Variants in OTOGL observed in about 807,000 individuals in gnomAD.
OTOGL encodes otogelin like.
In OTOGL, 285 loss-of-function variants were observed where a neutral mutation model predicts 318.5. The ratio of observed to expected loss-of-function variants is 0.89; its 90% CI spans 0.81 to 0.99. The LOEUF is 0.99. OTOGL is among the 50% of genes least tolerant of loss of function. The pLI is 0.00. For missense variants in OTOGL, 2,899 were observed against 2,845.6 expected (o/e 1.02, Z -0.43); for synonymous variants, 987 against 936.5 (o/e 1.05, Z -0.99).
At chr12:80,275,860 A>G (rs569522410) in intron 24 of OTOGL, among the ~76,000 whole-genome samples, 1 of 151,722 alleles carries the variant, frequency 6.6e-6, no homozygotes, top group African/African-American at 2.4e-5. Context: ...GCAATAAAGT[A>G]TTTTTAAATT....
chr12:80,292,440 A>C (rs920676676), intron 26 of OTOGL, among the ~76,000 whole-genome samples: 1 of 152,200 alleles, frequency 6.6e-6, no homozygotes, highest in Non-Finnish European at 1.5e-5. Flanking sequence ...CCTCATGAAC[A>C]CATCTGCCCT....
At chr12:80,198,148 A>G (rs1480648915) in intron 1 of OTOGL, among the ~76,000 whole-genome samples, 5 of 152,216 alleles carry the variant, frequency 3.3e-5, no homozygotes, top group East Asian at 1.9e-4. Context: ...TCCCCGTTAC[A>G]TATGCTTAAC....
At chr12:80,202,268 T>G (rs1434592144) in intron 1 of OTOGL, among the ~76,000 whole-genome samples, 2 of 100,666 alleles carry the variant, frequency 2.0e-5, no homozygotes, top group Non-Finnish European at 1.8e-5. Flanking sequence ...ATCTTTTCTT[T>G]AATTTTTTTT....
rs561563607 is a variant in OTOGL, at chr12:80,333,181, T to C, written c.4422+103T>C. On this transcript the variant is annotated intron_variant, in intron 38 of 58. Coordinates refer to ENST00000547103, the MANE Select transcript of OTOGL (RefSeq NM_001378609.3). ...TGCTACTAAACTTTTTTTGATATGT[T>C]CTCTAGTCTAGCCTTGCTAAAAGAT... The C allele has an allele frequency of 1.1e-5, 10 of 939,052 alleles. No homozygotes were observed. The African/African-American group carries it at 1.5e-4, about 14-fold the overall frequency. The allele number at this position is 939,052 out of a possible 1,614,324, so 58.2% of individuals were successfully genotyped here. A position where few individuals can be genotyped will look rare whatever the true frequency, so the allele number is the denominator to read the frequency against.
rs10862050 is a variant in OTOGL, at chr12:80,108,801, G to A, written c.-20+9196G>A. ...TATATATATATGTATATATATATAT[G>A]TATATATATATGTGTATATATATGT... is the stretch of plus-strand genomic sequence containing the variant. On this transcript the variant is annotated intron_variant, in intron 1 of 58. Coordinates refer to ENST00000547103, the MANE Select transcript of OTOGL (RefSeq NM_001378609.3). Among the ~76,000 whole-genome samples, 397 of 130,262 alleles carry A rather than the reference G, an allele frequency of 3.0e-3. 4 individuals carry two copies. Among genetic ancestry groups the A allele is most frequent in the Admixed American group, 5.4e-3 (68 of 12,586 alleles). The allele number at this position is 130,262 out of a possible 152,430, so 85.5% of individuals were successfully genotyped here.
At chr12:80,139,191 A>C (rs1165160596) in intron 1 of OTOGL, among the ~76,000 whole-genome samples, 3 of 152,172 alleles carry the variant, frequency 2.0e-5, no homozygotes, top group Non-Finnish European at 4.4e-5. Context: ...CTCCTTGATC[A>C]TGGCGGGTGA....
At chr12:80,167,302 T>C (rs1873889730) in intron 1 of OTOGL, among the ~76,000 whole-genome samples, 1 of 152,048 alleles carries the variant, frequency 6.6e-6, no homozygotes, top group Non-Finnish European at 1.5e-5. Context: ...GAGGGCTGAA[T>C]TGTGAGGCGA....
chr12:80,165,058 T>C (rs1592510270), intron 1 of OTOGL, among the ~76,000 whole-genome samples: 1 of 152,216 alleles, frequency 6.6e-6, no homozygotes, highest in African/African-American at 2.4e-5. Context: ...TTGAAATAAA[T>C]AAAATCAGAA....
At chr12:80,206,507 A>G (rs1265957653) in intron 1 of OTOGL, among the ~76,000 whole-genome samples, 1 of 151,792 alleles carries the variant, frequency 6.6e-6, no homozygotes, top group Non-Finnish European at 1.5e-5. Flanking sequence ...TACAAATTCT[A>G]CTATTTTTTT....
At chr12:80,111,010 G>A (rs1019844738) in intron 1 of OTOGL, among the ~76,000 whole-genome samples, 3 of 152,198 alleles carry the variant, frequency 2.0e-5, no homozygotes, top group African/African-American at 7.2e-5. Context: ...GTGATGATGA[G>A]CTTTTTTTCA....
intron 27 of OTOGL, among the ~76,000 whole-genome samples, chr12:80,301,939 T>C (rs1372052075): frequency 6.6e-6 from 1 of 152,254 alleles, no homozygotes; most frequent in African/African-American, 2.4e-5. Flanking sequence ...TGCAGTTTAA[T>C]GTGCAGCAGC....
At chr12:80,325,976 A>G (rs558475444) in intron 35 of OTOGL, among the ~76,000 whole-genome samples, 1 of 152,160 alleles carries the variant, frequency 6.6e-6, no homozygotes, top group African/African-American at 2.4e-5. Context: ...CTCTTTCTGT[A>G]TGTTTGGGAT....
At chr12:80,126,528 T>C (rs1223609059) in intron 1 of OTOGL, among the ~76,000 whole-genome samples, 1 of 152,158 alleles carries the variant, frequency 6.6e-6, no homozygotes, top group African/African-American at 2.4e-5. Flanking sequence ...TGATTTGGGG[T>C]GGAGAGTTCT....
At chr12:80,253,362 A>G in intron 13 of OTOGL, 104 bp from the exon 14 acceptor site, 2 of 993,612 alleles carry the variant, frequency 2.0e-6, no homozygotes, top group African/African-American at 1.6e-5. Context: ...TATTTCCAGC[A>G]TCATGCGTAG....
chr12:80,144,390 A>AT (rs1207945511), intron 1 of OTOGL, among the ~76,000 whole-genome samples: 2 of 151,114 alleles, frequency 1.3e-5, no homozygotes, highest in East Asian at 1.9e-4. Flanking sequence ...TGAACTCATC[A>AT]TTTTTTATGG....
At chr12:80,146,785 G>C (rs1872397422) in intron 1 of OTOGL, among the ~76,000 whole-genome samples, 1 of 150,908 alleles carries the variant, frequency 6.6e-6, no homozygotes, top group South Asian at 2.1e-4. Context: ...GTTTAGTCTT[G>C]GGAGAGTGTA....
At chr12:80,359,137 T>G (rs577517424) in intron 52 of OTOGL, among the ~76,000 whole-genome samples, 1 of 152,260 alleles carries the variant, frequency 6.6e-6, no homozygotes, top group East Asian at 1.9e-4. Flanking sequence ...CTGCTAATCT[T>G]ATATCTACTT....
At chr12:80,195,427 G>A (rs1185943823) in intron 1 of OTOGL, among the ~76,000 whole-genome samples, 1 of 152,170 alleles carries the variant, frequency 6.6e-6, no homozygotes, top group Non-Finnish European at 1.5e-5. Flanking sequence ...ATAAGGTCAT[G>A]CTAAAGGGAA....
At chr12:80,147,036 T>A (rs1872428199) in intron 1 of OTOGL, among the ~76,000 whole-genome samples, 1 of 151,646 alleles carries the variant, frequency 6.6e-6, no homozygotes, top group South Asian at 2.1e-4. Context: ...TTGAAGGGTT[T>A]TTTGTGTCTC....
Sources: allele counts gnomAD v4.1 joint callset (sites outside exome capture counted in the v4.1 genomes callset), GRCh38; gene constraint gnomAD v4.1.1; transcripts MANE v1.5; gene names NCBI Gene and HGNC (gene_info 2026-07-23, HGNC 2026-07-21).